Variants in GNA12 observed in about 807,000 individuals in gnomAD.
The protein encoded by GNA12 is guanine nucleotide-binding protein subunit alpha-12.
GNA12 carries 9 observed loss-of-function variants against 26.0 expected under a neutral mutation model. That is an observed-to-expected ratio of 0.35 (90% CI 0.21 to 0.60). The LOEUF is 0.60. GNA12 is among the 20% of genes least tolerant of loss of function. The probability of loss-of-function intolerance (pLI) is 0.78; values close to 1 mark genes in which losing one functional copy is unlikely to be tolerated. For synonymous variants in GNA12, 264 were observed against 219.6 expected, an observed-to-expected ratio of 1.20 and a Z score of -1.79; for missense variants, 405 against 525.8, an observed-to-expected ratio of 0.77 and a Z score of 2.25.
At chr7:2,791,193 C>T (rs1167847149) in intron 2 of GNA12, among the ~76,000 whole-genome samples, 1 of 152,158 alleles carries the variant, frequency 6.6e-6, no homozygotes. Flanking sequence ...CAAAGTCTTT[C>T]TGTTGAGCAT....
intron 1 of GNA12, among the ~76,000 whole-genome samples, chr7:2,831,928 T>A (rs965579260): frequency 2.0e-5 from 3 of 152,176 alleles, no homozygotes; most frequent in African/African-American, 7.2e-5. Flanking sequence ...GACTCCCTTA[T>A]CACAAGGGTT....
chr7:2,763,821 T>C (rs1791688469), intron 2 of GNA12, among the ~76,000 whole-genome samples: 1 of 152,166 alleles, frequency 6.6e-6, no homozygotes, highest in South Asian at 2.1e-4. Context: ...GGCCGGGACC[T>C]CTGCACTGAG....
intron 2 of GNA12, among the ~76,000 whole-genome samples, chr7:2,758,218 G>A (rs1020033306): frequency 2.0e-5 from 3 of 152,160 alleles, no homozygotes; most frequent in Admixed American, 2.0e-4. Flanking sequence ...TGAAAACTCA[G>A]AGCTTTTAAG....
chr7:2,756,832 T>G (rs922613499), intron 2 of GNA12, among the ~76,000 whole-genome samples: 1 of 152,166 alleles, frequency 6.6e-6, no homozygotes, highest in Non-Finnish European at 1.5e-5. Context: ...GTATGGTGGC[T>G]CATGCCAAGG....
intron 2 of GNA12, among the ~76,000 whole-genome samples, chr7:2,787,515 T>G (rs964712403): frequency 6.6e-6 from 1 of 152,286 alleles, no homozygotes; most frequent in East Asian, 1.9e-4. Context: ...CGCTTGCCAT[T>G]CTTCCAGCTA....
At position 2,762,885 on chromosome 7, in the gene GNA12, C is replaced by A. The variant is rs761444972; in HGVS notation, c.526-29384G>T. On this transcript the variant is annotated intron_variant, in intron 2 of 3. Transcript: ENST00000275364. Reference sequence around the variant, plus strand: ...CCAGCTCCGAGCCCTGCTCGTGGAGCCATTGGTGCTGCGGCGGGGAGAAGA... The same window carrying A: ...CCAGCTCCGAGCCCTGCTCGTGGAGACATTGGTGCTGCGGCGGGGAGAAGA... 1.0e-5 allele frequency: 15 copies of A among 1,438,480 alleles called. No individual in the cohort carries two copies. In the South Asian group the frequency reaches 2.3e-4, roughly 22 times the overall value. 89.1% of individuals were successfully genotyped at this position (1,438,480 alleles called of 1,614,324 possible). A position where few individuals can be genotyped will look rare whatever the true frequency, so the allele number is the denominator to read the frequency against.
intron 2 of GNA12, among the ~76,000 whole-genome samples, chr7:2,769,182 G>C (rs1331487588): frequency 1.3e-5 from 2 of 152,136 alleles, no homozygotes; most frequent in African/African-American, 2.4e-5. Flanking sequence ...GGGATTACAG[G>C]CGTGAGCCAC....
At chr7:2,819,658 T>A (rs1358445114) in intron 1 of GNA12, among the ~76,000 whole-genome samples, 2 of 152,086 alleles carry the variant, frequency 1.3e-5, no homozygotes, top group African/African-American at 4.8e-5. Flanking sequence ...AAATGGCCCA[T>A]AAGCACATGA....
chr7:2,769,208 T>TA (rs771979426), intron 2 of GNA12, among the ~76,000 whole-genome samples: 2 of 151,712 alleles, frequency 1.3e-5, no homozygotes, highest in Non-Finnish European at 2.9e-5. Context: ...CCAGCCACCT[T>TA]AGAGCTGTTT....
At chr7:2,756,797 C>T (rs1791320293) in intron 2 of GNA12, among the ~76,000 whole-genome samples, 1 of 152,018 alleles carries the variant, frequency 6.6e-6, no homozygotes, top group African/African-American at 2.4e-5. Context: ...TTAAGTTAGT[C>T]AAAGAGGAGG....
At chr7:2,822,915 G>T (rs1400220829) in intron 1 of GNA12, among the ~76,000 whole-genome samples, 2 of 152,156 alleles carry the variant, frequency 1.3e-5, no homozygotes, top group African/African-American at 4.8e-5. Flanking sequence ...CCCCCTCCTA[G>T]ATGTGATAAA....
intron 1 of GNA12, among the ~76,000 whole-genome samples, chr7:2,826,461 C>T (rs1230324713): frequency 6.6e-6 from 1 of 151,664 alleles, no homozygotes; most frequent in Non-Finnish European, 1.5e-5. Flanking sequence ...GAGTTGAACA[C>T]TTATGTCTAC....
At chr7:2,762,867 C>A (rs1021633102) in intron 2 of GNA12, 2 of 1,451,036 alleles carry the variant, frequency 1.4e-6, no homozygotes, top group South Asian at 1.4e-5. Context: ...GGGCCAGCTC[C>A]GAGCCCTGCT....
chr7:2,820,117 C>G (rs911331021), intron 1 of GNA12, among the ~76,000 whole-genome samples: 2 of 152,168 alleles, frequency 1.3e-5, no homozygotes, highest in African/African-American at 4.8e-5. Context: ...TCGCAGAAGA[C>G]AACATACTGT....
At chr7:2,734,386 G>A (rs1271274599) in intron 2 of GNA12, among the ~76,000 whole-genome samples, 2 of 152,210 alleles carry the variant, frequency 1.3e-5, no homozygotes, top group African/African-American at 2.4e-5. Context: ...CAGCAGGCGG[G>A]GTCAAGGCTT....
intron 2 of GNA12, among the ~76,000 whole-genome samples, chr7:2,784,848 C>T (rs571328136): frequency 1.3e-5 from 2 of 152,314 alleles, no homozygotes; most frequent in East Asian, 1.9e-4. Context: ...TTTTGCCATA[C>T]AAATGTTAAA....
Position 2,731,520 on chromosome 7 carries a change from C to T in GNA12, c.807G>A (p.Arg269=). The change falls in exon 4 of 4, where the codon CGG becomes CGA. Residue 269 remains arginine (R), a synonymous_variant. Transcript: ENST00000275364. The surrounding 1 kb of genome is among the most constrained non-coding windows in gnomAD (Gnocchi z 6.0). The part of the protein sequence containing the change: ...QVLMEDRRTN[R]LVESMNIFET... ...CGAAGATGTTCATGGACTCCACCAG[C>T]CGGTTGGTGCGCCTGTCCTCCATGA... is the stretch of plus-strand genomic sequence containing the variant. 1 of 1,612,572 alleles carries T rather than the reference C, an allele frequency of 6.2e-7. No homozygotes were observed. Among genetic ancestry groups the T allele is most frequent in the African/African-American group, 1.3e-5 (1 of 75,020 alleles).
chr7:2,765,877 CCCCCT>C (rs1791786308), intron 2 of GNA12, among the ~76,000 whole-genome samples: 2 of 149,762 alleles, frequency 1.3e-5, no homozygotes, highest in South Asian at 4.3e-4. Flanking sequence ...GATCCAGGGC[CCCCCT>C]CCCCTCCCCC....
chr7:2,795,986 A>G (rs1012863220), intron 1 of GNA12, among the ~76,000 whole-genome samples: 2 of 151,832 alleles, frequency 1.3e-5, no homozygotes, highest in Admixed American at 6.6e-5. Context: ...AGGCCCGGCT[A>G]ATTTTTTATT....
Sources: allele counts gnomAD v4.1 joint callset (sites outside exome capture counted in the v4.1 genomes callset), GRCh38; gene constraint gnomAD v4.1.1; non-coding constraint Gnocchi (gnomAD v3.1); transcripts MANE v1.5; gene names NCBI Gene and HGNC (gene_info 2026-07-23, HGNC 2026-07-21).